The following SMCHD1 variants were observed in gnomAD, a reference collection of about 807,000 sequenced individuals.
SMCHD1 encodes structural maintenance of chromosomes flexible hinge domain containing 1.
In SMCHD1, 78 loss-of-function variants were observed where a neutral mutation model predicts 254.7. The ratio of observed to expected loss-of-function variants is 0.31; its 90% CI spans 0.26 to 0.37. SMCHD1 has a LOEUF of 0.37. Ranked by LOEUF, SMCHD1 falls within the 10% of genes least tolerant of loss-of-function variation. SMCHD1 has a pLI of 1.00. For missense variants in SMCHD1, 1,840 were observed against 2,408.1 expected (o/e 0.76, Z 4.94); for synonymous variants, 766 against 794.9 (o/e 0.96, Z 0.61).
intron 45 of SMCHD1, 58 bp downstream of exon 45, chr18:2,784,679 TA>T: frequency 6.9e-7 from 1 of 1,440,300 alleles, no homozygotes; most frequent in Non-Finnish European, 9.3e-7. Flanking sequence ...CTTATTTTTC[TA>T]AGAGCTTATG....
chr18:2,795,039 G>GT (rs201312816), intron 45 of SMCHD1, among the ~76,000 whole-genome samples: 2,225 of 148,520 alleles, frequency 0.015, 40 homozygotes, highest in African/African-American at 0.051. Flanking sequence ...AAAATTCTGG[G>GT]TTTTTTTTTT....
At chr18:2,772,197 G>A in intron 40 of SMCHD1, 53 bp from the exon 41 acceptor site, 17 of 1,409,340 alleles carry the variant, frequency 1.2e-5, no homozygotes, top group South Asian at 1.7e-5. Context: ...ATTATGGGCT[G>A]CCTGGTTCAA....
At chr18:2,665,973 A>G (rs531471692) in intron 1 of SMCHD1, among the ~76,000 whole-genome samples, 184 bp from the exon 2 acceptor site, 41 of 152,354 alleles carry the variant, frequency 2.7e-4, no homozygotes, top group African/African-American at 8.9e-4. Context: ...AGTAATTTAT[A>G]TAGATTTATG....
At chr18:2,709,152 C>T (rs971661447) in intron 17 of SMCHD1, among the ~76,000 whole-genome samples, 4 of 149,648 alleles carry the variant, frequency 2.7e-5, no homozygotes, top group Non-Finnish European at 4.4e-5. Context: ...GCCTGTTTCG[C>T]TTAGCATAGT....
intron 1 of SMCHD1, among the ~76,000 whole-genome samples, chr18:2,657,365 C>T (rs2073099839): frequency 6.6e-6 from 1 of 152,156 alleles, no homozygotes; most frequent in South Asian, 2.1e-4. Flanking sequence ...AAAAACCTAT[C>T]CCCTCAAGTT....
intron 45 of SMCHD1, among the ~76,000 whole-genome samples, chr18:2,785,328 T>G (rs2076221575): frequency 2.0e-5 from 3 of 152,166 alleles, no homozygotes; most frequent in African/African-American, 7.2e-5. Context: ...ACATATAACA[T>G]AAAATTTACC....
chr18:2,761,862 A>G (rs1345607084), intron 35 of SMCHD1, among the ~76,000 whole-genome samples: 6 of 152,264 alleles, frequency 3.9e-5, no homozygotes, highest in African/African-American at 9.6e-5. Flanking sequence ...TTGATTACCT[A>G]TGTTTTTTAA....
chr18:2,708,170 T>G (rs544821161), intron 17 of SMCHD1, among the ~76,000 whole-genome samples: 2 of 152,180 alleles, frequency 1.3e-5, no homozygotes, highest in Admixed American at 1.3e-4. Context: ...ATGATACATA[T>G]ATGTAGAAGA....
intron 8 of SMCHD1, 83 bp downstream of exon 8, chr18:2,694,776 T>C (rs1598327262): frequency 1.7e-6 from 2 of 1,197,032 alleles, no homozygotes; most frequent in East Asian, 4.7e-5. Context: ...TGAAGCCTCT[T>C]TGGTATCCGT....
chr18:2,773,155 G>A (rs2076011946), intron 41 of SMCHD1, among the ~76,000 whole-genome samples: 1 of 152,068 alleles, frequency 6.6e-6, no homozygotes, highest in African/African-American at 2.4e-5. Flanking sequence ...GACCAAAACC[G>A]TGTTACGTTA....
intron 13 of SMCHD1, 26 bp from the exon 14 acceptor site, chr18:2,705,668 T>TC: frequency 8.4e-7 from 1 of 1,189,802 alleles, no homozygotes; most frequent in Non-Finnish European, 1.2e-6. Context: ...CTGAAGCTTT[T>TC]TTTTTTTTTA....
intron 34 of SMCHD1, among the ~76,000 whole-genome samples, chr18:2,759,242 G>C (rs987547639): frequency 4.6e-5 from 7 of 152,006 alleles, no homozygotes; most frequent in African/African-American, 1.7e-4. Flanking sequence ...TGTTACATTT[G>C]CTTCTGTCCG....
intron 3 of SMCHD1, among the ~76,000 whole-genome samples, chr18:2,672,682 T>C (rs1197242023): frequency 6.6e-6 from 1 of 152,228 alleles, no homozygotes; most frequent in Non-Finnish European, 1.5e-5. Context: ...TATTAGTTAA[T>C]GTTGAGCCAG....
At chr18:2,708,915 T>TATATAGC (rs1568199419) in intron 17 of SMCHD1, among the ~76,000 whole-genome samples, 1 of 90,454 alleles carries the variant, frequency 1.1e-5, no homozygotes, top group African/African-American at 4.2e-5. Flanking sequence ...TATAACATAT[T>TATATAGC]AACATGAAAT....
intron 3 of SMCHD1, among the ~76,000 whole-genome samples, chr18:2,667,792 T>A (rs147315779): frequency 6.6e-6 from 1 of 152,222 alleles, no homozygotes. Context: ...ACATTTTGTT[T>A]AAAAATAAAG....
intron 1 of SMCHD1, among the ~76,000 whole-genome samples, chr18:2,665,376 A>C (rs2143797314): frequency 1.3e-5 from 2 of 151,104 alleles, no homozygotes; most frequent in South Asian, 4.2e-4. Flanking sequence ...GCTGGAGTGC[A>C]GTGGTGTGAT....
intron 34 of SMCHD1, among the ~76,000 whole-genome samples, chr18:2,758,103 C>G (rs62077671): frequency 0.19 from 29,279 of 151,970 alleles, 3,086 homozygotes; most frequent in South Asian, 0.27. Flanking sequence ...TTGTAAATGG[C>G]ATTATCGTTT....
rs557283675 is a variant in SMCHD1 at position 2,685,023 on chromosome 18, C to T, written c.639-3371C>T. On this transcript the variant is annotated intron_variant, in intron 5 of 47. Coordinates refer to ENST00000320876, the MANE Select transcript of SMCHD1 (RefSeq NM_015295.3). ...ATGTAAAAAGGCTTCTTCTCAACTT[C>T]CTGACATTTCTTGCTAAACTATACA... Among the ~76,000 whole-genome samples, 180 of 151,404 alleles carry T rather than the reference C, an allele frequency of 1.2e-3. 1 individual carries two copies. Among genetic ancestry groups the T allele is most frequent in the Non-Finnish European group, 2.2e-3 (150 of 67,904 alleles).
chr18:2,676,692 T>G (rs1050225713), intron 5 of SMCHD1, among the ~76,000 whole-genome samples: 6 of 152,194 alleles, frequency 3.9e-5, no homozygotes, highest in African/African-American at 9.6e-5. Flanking sequence ...ATAGACAAGA[T>G]GAAAGAACTA....
Sources: gnomAD v4.1 joint callset for allele counts (sites outside exome capture counted in the v4.1 genomes callset) on GRCh38, gnomAD v4.1.1 for gene constraint, MANE v1.5 for transcripts, NCBI Gene and HGNC (gene_info 2026-07-23, HGNC 2026-07-21) for gene names.